The following ARSG variants were observed in gnomAD, a reference collection of about 807,000 sequenced individuals.
The protein encoded by ARSG is ASG.
A neutral mutation model predicts 50.5 loss-of-function variants in ARSG; 37 were observed. That is an observed-to-expected ratio of 0.73 (90% CI 0.56 to 0.96). The LOEUF (loss-of-function observed/expected upper bound fraction) is 0.96. Ranked by LOEUF, ARSG falls within the 50% of genes least tolerant of loss-of-function variation. ARSG has a pLI of 0.00. For missense variants in ARSG, 629 were observed against 675.3 expected (o/e 0.93, Z 0.76); for synonymous variants, 225 against 254.6 (o/e 0.88, Z 1.11).
intron 3 of ARSG, among the ~76,000 whole-genome samples, chr17:68,344,894 G>A (rs1209635630): frequency 6.6e-6 from 1 of 152,214 alleles, no homozygotes; most frequent in Non-Finnish European, 1.5e-5. Flanking sequence ...CCAGACCCAG[G>A]GCTGGTGCCT....
chr17:68,351,718 C>T (rs1230570977), intron 5 of ARSG, 32 bp downstream of exon 5: 2 of 1,449,470 alleles, frequency 1.4e-6, no homozygotes, highest in East Asian at 2.3e-5. Context: ...GCGATAGGCT[C>T]CAGGACAAGG....
intron 6 of ARSG, among the ~76,000 whole-genome samples, chr17:68,366,243 AAT>A (rs1491209642): frequency 3.0e-4 from 28 of 92,752 alleles, no homozygotes; most frequent in African/African-American, 9.1e-4. Flanking sequence ...CTGGCAAAAA[AAT>A]AAAATAAAAT....
upstream of ARSG, among the ~76,000 whole-genome samples, chr17:68,287,145 G>A (rs1157268989): frequency 2.6e-5 from 4 of 152,000 alleles, no homozygotes; most frequent in Non-Finnish European, 5.9e-5. Context: ...CACCATGCCC[G>A]GCTAATTTTG....
downstream of ARSG, chr17:68,424,505 C>A: frequency 1.9e-6 from 1 of 534,508 alleles, no homozygotes; most frequent in South Asian, 1.4e-5. Flanking sequence ...CATAACAAAG[C>A]CTAATGGACA....
intron 5 of ARSG, among the ~76,000 whole-genome samples, chr17:68,356,251 C>T (rs562918185): frequency 1.6e-4 from 25 of 152,288 alleles, no homozygotes; most frequent in Admixed American, 5.2e-4. Flanking sequence ...CTTCGGAAAA[C>T]GCTGAGTTGC....
intron 10 of ARSG, among the ~76,000 whole-genome samples, chr17:68,396,320 A>G (rs1196775089): frequency 6.6e-6 from 1 of 152,146 alleles, no homozygotes; most frequent in Non-Finnish European, 1.5e-5. Context: ...TCCGACCTGC[A>G]GCCTGTTCTT....
At chr17:68,342,286 T>C (rs531913087) in intron 2 of ARSG, among the ~76,000 whole-genome samples, 11 of 151,974 alleles carry the variant, frequency 7.2e-5, no homozygotes, top group African/African-American at 2.7e-4. Context: ...TATAACTGTA[T>C]TTTATGAATG....
At chr17:68,450,812 C>T in the ARSG span, 1 of 1,614,188 alleles carries the variant, frequency 6.2e-7, no homozygotes, top group South Asian at 1.1e-5. Flanking sequence ...GATACACGTT[C>T]ATCTGCCGTG....
intron 8 of ARSG, among the ~76,000 whole-genome samples, chr17:68,372,877 ATTTTTTTTTTTTTTTTTTT>A (rs55668215): frequency 6.0e-4 from 56 of 93,166 alleles, no homozygotes; most frequent in African/African-American, 1.7e-3. Context: ...GGAAATGCTG[ATTTTTTTTTTTTTTTTTTT>A]TTTTTTTTTT....
intron 2 of ARSG, among the ~76,000 whole-genome samples, chr17:68,329,284 G>A (rs2077628121): frequency 6.6e-6 from 1 of 152,232 alleles, no homozygotes; most frequent in Non-Finnish European, 1.5e-5. Context: ...AGAGAGCTTG[G>A]GGAGGAGGGG....
chr17:68,442,169 A>G, the ARSG span, among the ~76,000 whole-genome samples: 3 of 152,232 alleles, frequency 2.0e-5, no homozygotes, highest in Non-Finnish European at 4.4e-5. Flanking sequence ...GCTAAAAAAT[A>G]AGAGTAAATG....
chr17:68,419,859 G>C (rs1249390979), intron 11 of ARSG, among the ~76,000 whole-genome samples: 1 of 151,820 alleles, frequency 6.6e-6, no homozygotes, highest in African/African-American at 2.4e-5. Flanking sequence ...TTGGGAGGCT[G>C]AAGTGGGAGG....
chr17:68,371,988 C>A (rs1489932474), intron 8 of ARSG, among the ~76,000 whole-genome samples: 2 of 152,134 alleles, frequency 1.3e-5, no homozygotes, highest in African/African-American at 4.8e-5. Context: ...GCAATAATTA[C>A]CTCTGGGCAG....
intron 2 of ARSG, among the ~76,000 whole-genome samples, chr17:68,339,530 GGC>G (rs1012892031): frequency 1.3e-5 from 2 of 152,084 alleles, no homozygotes; most frequent in Admixed American, 6.5e-5. Context: ...TCTCTTTAAT[GGC>G]TTTAATGTAG....
At chr17:68,438,244 G>T in the ARSG span, among the ~76,000 whole-genome samples, 2 of 69,152 alleles carry the variant, frequency 2.9e-5, no homozygotes, top group African/African-American at 9.0e-5. Context: ...GCACGTTCTG[G>T]CAGCCCTGCC....
rs782764638 is a variant in ARSG at position 68,271,527 on chromosome 17, C to T, written c.-552+12101C>T. The stretch of plus-strand genomic sequence containing the variant: ...TCCGATTTTCCTGGATGACTATTTT[C>T]GGTGACGCTGGTCCTCTGATAAAGA... On this transcript the variant is annotated intron_variant, in intron 1 of 11. Transcript: ENST00000448504. The surrounding 1 kb of genome is among the most constrained non-coding windows in gnomAD (Gnocchi z 5.3). The T allele has an allele frequency of 1.1e-5, 18 of 1,614,164 alleles. No individual in the cohort carries two copies. The highest frequency in any genetic ancestry group is 8.3e-5 in the Admixed American group (5 of 60,016).
At chr17:68,373,656 C>T (rs1197394886) in intron 8 of ARSG, among the ~76,000 whole-genome samples, 1 of 152,122 alleles carries the variant, frequency 6.6e-6, no homozygotes, top group Non-Finnish European at 1.5e-5. Flanking sequence ...AGCTGAGTAC[C>T]ACCTCCCACT....
intron 1 of ARSG, among the ~76,000 whole-genome samples, chr17:68,272,370 A>G (rs1299586818): frequency 2.7e-4 from 41 of 152,220 alleles, no homozygotes; most frequent in Admixed American, 2.7e-3. Flanking sequence ...AAATTACTAG[A>G]TTATTCTGGA....
chr17:68,374,159 A>G (rs1278043305), intron 8 of ARSG, among the ~76,000 whole-genome samples: 1 of 130,564 alleles, frequency 7.7e-6, no homozygotes, highest in South Asian at 2.4e-4. Flanking sequence ...TCTGTCTCCA[A>G]AAAAAAAAAA....
Sources: gnomAD v4.1 joint callset for allele counts (sites outside exome capture counted in the v4.1 genomes callset) on GRCh38, gnomAD v4.1.1 for gene constraint, Gnocchi (gnomAD v3.1) non-coding constraint, MANE v1.5 for transcripts, NCBI Gene and HGNC (gene_info 2026-07-23, HGNC 2026-07-21) for gene names.